The following ELL2 variants were observed in gnomAD, a reference collection of about 807,000 sequenced individuals.
ELL2 encodes elongation factor for RNA polymerase II 2.
In ELL2, 21 loss-of-function variants were observed where a neutral mutation model predicts 72.8. The ratio of observed to expected loss-of-function variants is 0.29; its 90% CI spans 0.20 to 0.42. The LOEUF (loss-of-function observed/expected upper bound fraction) is 0.42, where lower values mean the gene tolerates loss of function less well. Among genes scored for constraint, ELL2 ranks in the 10% least tolerant of loss-of-function variants. The probability of loss-of-function intolerance (pLI) is 1.00; values close to 1 mark genes in which losing one functional copy is unlikely to be tolerated. For synonymous variants in ELL2, 266 were observed against 283.2 expected, an observed-to-expected ratio of 0.94 and a Z score of 0.61; for missense variants, 568 against 772.8, an observed-to-expected ratio of 0.73 and a Z score of 3.14.
chr5:95,908,264 A>G (rs1387495609), intron 4 of ELL2, among the ~76,000 whole-genome samples: 1 of 152,178 alleles, frequency 6.6e-6, no homozygotes, highest in Non-Finnish European at 1.5e-5. Flanking sequence ...ACATTATCTC[A>G]CTAGGTTTCA....
chr5:95,920,387 T>G (rs549279636), intron 2 of ELL2, among the ~76,000 whole-genome samples: 14 of 151,932 alleles, frequency 9.2e-5, no homozygotes, highest in African/African-American at 3.4e-4. Flanking sequence ...CTTGGCTCAC[T>G]GCAACCTCCA....
intron 1 of ELL2, among the ~76,000 whole-genome samples, chr5:95,953,342 A>T (rs1039768796): frequency 1.1e-4 from 17 of 152,244 alleles, no homozygotes; most frequent in African/African-American, 4.1e-4. Context: ...CTTTTTATTA[A>T]AGAAAAAACA....
At chr5:95,940,446 A>G (rs1580527924) in intron 2 of ELL2, among the ~76,000 whole-genome samples, 1 of 151,902 alleles carries the variant, frequency 6.6e-6, no homozygotes, top group Non-Finnish European at 1.5e-5. Context: ...TCACTGAGGG[A>G]AAAAAATCTT....
At chr5:95,902,111 A>C (rs1379197634) in intron 5 of ELL2, among the ~76,000 whole-genome samples, 1 of 152,250 alleles carries the variant, frequency 6.6e-6, no homozygotes, top group Non-Finnish European at 1.5e-5. Context: ...GAGTCACAAT[A>C]AAAATCCTTG....
Position 95,927,774 on chromosome 5 carries a change from CAT to C in ELL2, c.196-8231_196-8230del, listed in dbSNP as rs1457979644. Among the ~76,000 whole-genome samples, 44 of 67,184 alleles carry C rather than the reference CAT, an allele frequency of 6.5e-4. 5 individuals are homozygous for C. The highest frequency in any genetic ancestry group is 2.0e-3 in the Admixed American group (15 of 7,676). The allele number at this position is 67,184 out of a possible 152,430, so 44.1% of individuals were successfully genotyped here. ...GTGTGTATATAGACATACACACACA[CAT>C]ATGTGTGTATATAGACATACACACA... On this transcript the variant is annotated intron_variant, in intron 2 of 11. Transcript: ENST00000237853.
intron 2 of ELL2, among the ~76,000 whole-genome samples, chr5:95,928,949 T>A (rs1471632446): frequency 6.6e-6 from 1 of 152,170 alleles, no homozygotes; most frequent in Non-Finnish European, 1.5e-5. Context: ...CATCTCCACA[T>A]TGTATTTCAT....
chr5:95,938,795 T>A (rs1164733059), intron 2 of ELL2, among the ~76,000 whole-genome samples: 2 of 152,190 alleles, frequency 1.3e-5, no homozygotes, highest in Non-Finnish European at 2.9e-5. Flanking sequence ...GATTGCTGAG[T>A]CTGAAAGTAA....
chr5:95,951,917 G>C (rs1751420979), intron 1 of ELL2, among the ~76,000 whole-genome samples: 1 of 152,192 alleles, frequency 6.6e-6, no homozygotes. Context: ...GACAAATCAA[G>C]GGTTGCTAGT....
intron 9 of ELL2, among the ~76,000 whole-genome samples, chr5:95,894,360 A>T (rs770093807): frequency 1.3e-5 from 2 of 152,264 alleles, no homozygotes; most frequent in African/African-American, 2.4e-5. Flanking sequence ...GTATATAATA[A>T]GTATATGTCA....
In ELL2 at chr5:95,887,923, C is replaced by G. The variant is rs183020062; in HGVS notation, c.*948G>C. 6.6e-6 allele frequency: 1 copy of G among 152,280 alleles called. No homozygotes were observed. The highest frequency in any genetic ancestry group is 1.9e-4 in the East Asian group (1 of 5,192). 9.4% of individuals were successfully genotyped at this position (152,280 alleles called of 1,614,324 possible). On this transcript the variant is annotated 3_prime_UTR_variant, in exon 12 of 12. Transcript: ENST00000237853. ...CCAACATTAATAAAGCTGACAAACT[C>G]GTTGAAATGGAAATGCTTTTGTCTT...
intron 1 of ELL2, among the ~76,000 whole-genome samples, chr5:95,960,482 C>G (rs1051127917): frequency 3.3e-5 from 5 of 151,922 alleles, no homozygotes; most frequent in Non-Finnish European, 7.4e-5. Context: ...TGTATGTGCG[C>G]CTATCTGAGC....
Position 95,961,557 on chromosome 5 carries a change from G to A in ELL2, c.147+18C>T. On this transcript the variant is annotated intron_variant, in intron 1 of 11. Coordinates refer to ENST00000237853, the MANE Select transcript of ELL2 (RefSeq NM_012081.6). ...CGCTCTGCCTCTCTGAGCCCAGCCT[G>A]CCGGCCGGCCCGCTCACCTTGTGGC... The A allele has an allele frequency of 6.4e-7, 1 of 1,563,748 alleles. No homozygotes were observed. Among genetic ancestry groups the A allele is most frequent in the South Asian group, 1.2e-5 (1 of 85,898 alleles).
In ELL2 at chr5:95,888,079, C is replaced by A. The variant is rs1748523663; in HGVS notation, c.*792G>T. 6.6e-6 allele frequency: 1 copy of A among 152,556 alleles called. No homozygotes were observed. Among genetic ancestry groups the A allele is most frequent in the South Asian group, 2.1e-4 (1 of 4,828 alleles). The allele number at this position is 152,556 out of a possible 1,614,324, so 9.5% of individuals were successfully genotyped here. A position where few individuals can be genotyped will look rare whatever the true frequency, so the allele number is the denominator to read the frequency against. On this transcript the variant is annotated 3_prime_UTR_variant, in exon 12 of 12. Transcript: ENST00000237853. ...GAGTAGCAGCTTTTTTTCCTTCATGCACGCTCACATCCACACCACCTCTGC... is the reference window on the plus strand; with the variant it reads ...GAGTAGCAGCTTTTTTTCCTTCATGAACGCTCACATCCACACCACCTCTGC...
chr5:95,945,232 C>T (rs1272756910), intron 1 of ELL2, among the ~76,000 whole-genome samples: 6 of 152,176 alleles, frequency 3.9e-5, no homozygotes, highest in Non-Finnish European at 7.4e-5. Flanking sequence ...AAACCGTCAC[C>T]TCTTTCTTAC....
intron 4 of ELL2, 112 bp from the exon 5 acceptor site, chr5:95,906,894 A>AATT (rs1299766193): frequency 5.3e-6 from 6 of 1,137,960 alleles, no homozygotes; most frequent in African/African-American, 1.6e-5. Context: ...AAATAATAAT[A>AATT]AAGGCCACTT....
chr5:95,900,785 A>G lies in ELL2; in HGVS notation c.867-5T>C. ...TTCTGAGACGGATTTAGTTTTCTGTAAAGGACACACATGTTATGTGTTAAG... is the reference window on the plus strand; with the variant it reads ...TTCTGAGACGGATTTAGTTTTCTGTGAAGGACACACATGTTATGTGTTAAG... On this transcript the variant is annotated splice_polypyrimidine_tract_variant and splice_region_variant and intron_variant, in intron 6 of 11. Coordinates refer to ENST00000237853, the MANE Select transcript of ELL2 (RefSeq NM_012081.6). 1 of 1,603,996 alleles carries G rather than the reference A, an allele frequency of 6.2e-7. No individual in the cohort carries two copies.
chr5:95,895,859 A>G (rs1324619391), intron 8 of ELL2, among the ~76,000 whole-genome samples, 168 bp from the exon 9 acceptor site: 1 of 152,208 alleles, frequency 6.6e-6, no homozygotes, highest in Non-Finnish European at 1.5e-5. Context: ...TGAACAATAG[A>G]GGCCCTATGA....
At chr5:95,926,908 T>C (rs1750300125) in intron 2 of ELL2, among the ~76,000 whole-genome samples, 1 of 152,356 alleles carries the variant, frequency 6.6e-6, no homozygotes, top group South Asian at 2.1e-4. Flanking sequence ...ATACACTCAG[T>C]TGCTATATAA....
rs185109228 is a variant in ELL2 at position 95,917,090 on chromosome 5, A to G, written c.317+2334T>C. 3.9e-5 allele frequency among the ~76,000 whole-genome samples: 6 copies of G among 152,352 alleles called. No homozygotes were observed. The East Asian group carries it at 1.2e-3, about 29-fold the overall frequency. ...GTTTAAATATTTTAGACAAATGTAT[A>G]TAAATGCTCCCTTAGTCTTTCTCTA... On this transcript the variant is annotated intron_variant, in intron 3 of 11. Transcript: ENST00000237853.
Sources: gnomAD v4.1 joint callset for allele counts (sites outside exome capture counted in the v4.1 genomes callset) on GRCh38, gnomAD v4.1.1 for gene constraint, MANE v1.5 for transcripts, NCBI Gene and HGNC (gene_info 2026-07-23, HGNC 2026-07-21) for gene names.